Variants in PCDH15 observed in about 807,000 individuals in gnomAD.
PCDH15 encodes the protein protocadherin related 15.
In PCDH15, 129 loss-of-function variants were observed where a neutral mutation model predicts 178.5. That is an observed-to-expected ratio of 0.72 (90% CI 0.63 to 0.84). PCDH15 has a LOEUF of 0.84. PCDH15 is among the 40% of genes least tolerant of loss of function. PCDH15 has a pLI of 0.00. For missense variants in PCDH15, 2,230 were observed against 2,099.9 expected (o/e 1.06, Z -1.21); for synonymous variants, 800 against 732.0 (o/e 1.09, Z -1.50).
At chr10:55,548,305 GTT>G (rs1196259882) in intron 2 of PCDH15, among the ~76,000 whole-genome samples, 1 of 151,176 alleles carries the variant, frequency 6.6e-6, no homozygotes, top group Non-Finnish European at 1.5e-5. Context: ...TTTTGGAGTG[GTT>G]TGTTACACGC....
At chr10:55,309,460 C>T (rs1473662901) in intron 1 of PCDH15, among the ~76,000 whole-genome samples, 1 of 151,116 alleles carries the variant, frequency 6.6e-6, no homozygotes, top group Non-Finnish European at 1.5e-5. Context: ...GAGGCTGCAG[C>T]GAGCTATGAT....
At chr10:54,477,740 C>A (rs959111849) in intron 3 of PCDH15, among the ~76,000 whole-genome samples, 5 of 152,090 alleles carry the variant, frequency 3.3e-5, no homozygotes, top group African/African-American at 9.7e-5. Context: ...GGATTACAGG[C>A]GTGTGCCAAC....
intron 3 of PCDH15, among the ~76,000 whole-genome samples, chr10:54,506,778 A>T (rs984252369): frequency 2.0e-5 from 3 of 152,046 alleles, no homozygotes; most frequent in African/African-American, 4.8e-5. Flanking sequence ...CTTTACTTTC[A>T]AAGGGTAGGA....
At chr10:55,515,856 C>A (rs771183699) in intron 2 of PCDH15, among the ~76,000 whole-genome samples, 2 of 152,148 alleles carry the variant, frequency 1.3e-5, no homozygotes, top group Non-Finnish European at 2.9e-5. Context: ...CTCTGTAAGG[C>A]TTCTGTGCAT....
chr10:54,616,022 C>T (rs536110013), intron 2 of PCDH15, among the ~76,000 whole-genome samples: 2 of 151,844 alleles, frequency 1.3e-5, no homozygotes, highest in Non-Finnish European at 2.9e-5. Flanking sequence ...CAACAGCAGG[C>T]TCAGCATTAC....
chr10:55,464,693 T>C (rs963995096), intron 2 of PCDH15, among the ~76,000 whole-genome samples: 1 of 148,850 alleles, frequency 6.7e-6, no homozygotes, highest in Non-Finnish European at 1.5e-5. Context: ...TGTATATATA[T>C]GTATGTGTAT....
intron 2 of PCDH15, among the ~76,000 whole-genome samples, chr10:55,010,806 A>G (rs1591834147): frequency 6.6e-6 from 1 of 152,258 alleles, no homozygotes; most frequent in Non-Finnish European, 1.5e-5. Context: ...TTATAAAAAA[A>G]AAAGGTATTT....
At chr10:54,079,204 A>T in intron 17 of PCDH15, 127 bp downstream of exon 17, 1 of 951,108 alleles carries the variant, frequency 1.1e-6, no homozygotes, top group Non-Finnish European at 1.7e-6. Flanking sequence ...AAAGAGCAAC[A>T]CTTCTAGTAA....
rs374456898 is a variant in PCDH15, at chr10:54,153,082, G to C, written c.1784+18C>G. The C allele has an allele frequency of 4.3e-6, 7 of 1,613,254 alleles. No homozygotes were observed. The highest frequency in any genetic ancestry group is 2.7e-5 in the African/African-American group (2 of 74,982). On this transcript the variant is annotated intron_variant, in intron 14 of 37. Transcript: ENST00000644397. Reference sequence around the variant, plus strand: ...ACGGGCCCGATGAAAAGACTGCATTGGTTCTAATATAAATTACCTTCGCTC... The same window carrying C: ...ACGGGCCCGATGAAAAGACTGCATTCGTTCTAATATAAATTACCTTCGCTC...
At chr10:54,449,821 G>C (rs2076355951) in intron 3 of PCDH15, among the ~76,000 whole-genome samples, 1 of 151,762 alleles carries the variant, frequency 6.6e-6, no homozygotes, top group African/African-American at 2.4e-5. Flanking sequence ...GGAGATTTTG[G>C]TATCTGTTGG....
intron 8 of PCDH15, among the ~76,000 whole-genome samples, chr10:54,295,118 C>T (rs189418647): frequency 5.9e-5 from 9 of 152,192 alleles, no homozygotes; most frequent in African/African-American, 1.9e-4. Flanking sequence ...TTAGAATACC[C>T]TGGAGTTGAA....
chr10:55,425,651 G>A (rs1353240394), intron 2 of PCDH15, among the ~76,000 whole-genome samples: 1 of 141,450 alleles, frequency 7.1e-6, no homozygotes, highest in Non-Finnish European at 1.5e-5. Flanking sequence ...CCCGCTACTA[G>A]CTTTTCACAC....
At chr10:53,988,509 G>A (rs945388249) in intron 21 of PCDH15, among the ~76,000 whole-genome samples, 2 of 152,064 alleles carry the variant, frequency 1.3e-5, no homozygotes, top group Non-Finnish European at 1.5e-5. Context: ...GTAGGGCTAC[G>A]GTCCAAACAT....
chr10:54,564,221 T>A (rs2088661883), intron 2 of PCDH15, among the ~76,000 whole-genome samples: 1 of 152,062 alleles, frequency 6.6e-6, no homozygotes, highest in African/African-American at 2.4e-5. Flanking sequence ...TGATTATACA[T>A]CAGACAAGAT....
At chr10:54,546,728 T>G (rs1163536383) in intron 2 of PCDH15, among the ~76,000 whole-genome samples, 1 of 152,204 alleles carries the variant, frequency 6.6e-6, no homozygotes, top group Non-Finnish European at 1.5e-5. Flanking sequence ...TCTTAAGCCA[T>G]TGGATATGCC....
chr10:54,685,393 C>T (rs1186386359), intron 1 of PCDH15, among the ~76,000 whole-genome samples: 1 of 152,066 alleles, frequency 6.6e-6, no homozygotes, highest in Non-Finnish European at 1.5e-5. Context: ...AGTGTATGTG[C>T]TATTATTTTT....
At chr10:55,003,888 T>C (rs1471958239) in intron 2 of PCDH15, among the ~76,000 whole-genome samples, 1 of 151,966 alleles carries the variant, frequency 6.6e-6, no homozygotes, top group Non-Finnish European at 1.5e-5. Flanking sequence ...GTATCTCAAG[T>C]TGGGGCCTGG....
intron 18 of PCDH15, among the ~76,000 whole-genome samples, chr10:54,058,252 C>G: frequency 6.6e-6 from 1 of 152,158 alleles, no homozygotes; most frequent in East Asian, 1.9e-4. Flanking sequence ...TACCCATTCA[C>G]TGTATTAGAC....
chr10:54,337,638 C>T (rs1215410628), intron 6 of PCDH15, among the ~76,000 whole-genome samples: 1 of 152,132 alleles, frequency 6.6e-6, no homozygotes, highest in African/African-American at 2.4e-5. Flanking sequence ...CTTTTGCCCC[C>T]TATGCCATCC....
Sources: allele counts gnomAD v4.1 joint callset (sites outside exome capture counted in the v4.1 genomes callset), GRCh38; gene constraint gnomAD v4.1.1; transcripts MANE v1.5; gene names NCBI Gene and HGNC (gene_info 2026-07-23, HGNC 2026-07-21).